The following CNTN4 variants were observed in gnomAD, a reference collection of about 807,000 sequenced individuals.
The protein encoded by CNTN4 is contactin 4, also known as contactin-4.
In CNTN4, 77 loss-of-function variants were observed where a neutral mutation model predicts 122.5. The ratio of observed to expected loss-of-function variants is 0.63; its 90% CI spans 0.52 to 0.76. The LOEUF (loss-of-function observed/expected upper bound fraction) is 0.76. CNTN4 is among the 30% of genes least tolerant of loss of function. CNTN4 has a pLI of 0.00. For missense variants in CNTN4, 1,256 were observed against 1,259.1 expected, an observed-to-expected ratio of 1.00 and a Z score of 0.04; for synonymous variants, 512 against 447.0, an observed-to-expected ratio of 1.15 and a Z score of -1.83.
intron 2 of CNTN4, among the ~76,000 whole-genome samples, chr3:2,332,091 G>A (rs1469733233): frequency 2.0e-5 from 3 of 152,132 alleles, no homozygotes; most frequent in Non-Finnish European, 2.9e-5. Flanking sequence ...GGGGTTCAGC[G>A]TGACAGGCTC....
chr3:2,544,951 G>T (rs1459925893), intron 3 of CNTN4, among the ~76,000 whole-genome samples: 3 of 151,762 alleles, frequency 2.0e-5, no homozygotes, highest in Non-Finnish European at 4.4e-5. Context: ...TATTTCCAGT[G>T]GTTGTGATGT....
At chr3:2,114,016 T>G (rs958776365) in intron 2 of CNTN4, among the ~76,000 whole-genome samples, 1 of 152,142 alleles carries the variant, frequency 6.6e-6, no homozygotes, top group Admixed American at 6.5e-5. Context: ...TCAAAGAGCT[T>G]TTTGCTTGGT....
intron 10 of CNTN4, among the ~76,000 whole-genome samples, chr3:2,899,438 C>T (rs2094149302): frequency 6.6e-6 from 1 of 152,124 alleles, no homozygotes; most frequent in Non-Finnish European, 1.5e-5. Flanking sequence ...TAGAAATGCC[C>T]TGTGAACACA....
At chr3:2,584,460 T>G (rs577801851) in intron 4 of CNTN4, among the ~76,000 whole-genome samples, 1 of 152,074 alleles carries the variant, frequency 6.6e-6, no homozygotes, top group Admixed American at 6.5e-5. Flanking sequence ...TTCCAGCACT[T>G]TGTGAGGCTG....
intron 14 of CNTN4, among the ~76,000 whole-genome samples, chr3:2,993,022 T>C (rs1695193018): frequency 6.6e-6 from 1 of 152,138 alleles, no homozygotes; most frequent in Non-Finnish European, 1.5e-5. Context: ...GTTTAGAACA[T>C]TGCATTTTCA....
At chr3:2,617,299 AAAAC>A (rs1376810788) in intron 4 of CNTN4, among the ~76,000 whole-genome samples, 1 of 152,148 alleles carries the variant, frequency 6.6e-6, no homozygotes, top group Non-Finnish European at 1.5e-5. Context: ...TTTCAAGAAA[AAAAC>A]AACCCCATCA....
At chr3:2,575,473 T>A (rs2079619022) in intron 4 of CNTN4, among the ~76,000 whole-genome samples, 1 of 152,084 alleles carries the variant, frequency 6.6e-6, no homozygotes, top group Non-Finnish European at 1.5e-5. Flanking sequence ...ATCGTACTAC[T>A]GCACTCCAGC....
At chr3:2,290,033 T>C (rs17194238) in intron 2 of CNTN4, among the ~76,000 whole-genome samples, 19,701 of 152,172 alleles carry the variant, frequency 0.13, 1,338 homozygotes, top group Middle Eastern at 0.16. Flanking sequence ...GAGCCAGTCA[T>C]TTTCTTAGAT....
chr3:2,859,885 C>T (rs957927364), intron 7 of CNTN4, among the ~76,000 whole-genome samples: 1 of 152,086 alleles, frequency 6.6e-6, no homozygotes, highest in Non-Finnish European at 1.5e-5. Flanking sequence ...GCTCAATTTA[C>T]CCCCAAAAAA....
Position 2,887,136 on chromosome 3 carries a change from T to A in CNTN4, c.852T>A (p.Asn284Lys), listed in dbSNP as rs2093988150. The change falls in exon 10 of 25, where the codon AAT (asparagine) becomes AAA (lysine). Residue 284 changes from asparagine to lysine, a missense_variant. Physicochemically the swap from Asn to Lys is moderately conservative, Grantham distance 94. Transcript: ENST00000418658. ...HKSNGILEIP[N>K]FQQEDAGLYE... is the part of the protein sequence containing the mutation. ...CAAATGGAATTCTTGAGATCCCTAATTTTCAGCAGGAGGATGCTGGTTTAT... is the reference window on the plus strand; with the variant it reads ...CAAATGGAATTCTTGAGATCCCTAAATTTCAGCAGGAGGATGCTGGTTTAT... 2 of 1,614,158 alleles carry A rather than the reference T, an allele frequency of 1.2e-6. No individual in the cohort carries two copies.
intron 4 of CNTN4, among the ~76,000 whole-genome samples, chr3:2,599,233 G>T (rs1196215849): frequency 6.6e-6 from 1 of 152,162 alleles, no homozygotes; most frequent in Non-Finnish European, 1.5e-5. Context: ...CTAGTTGTAG[G>T]TTCCATTCTA....
intron 3 of CNTN4, among the ~76,000 whole-genome samples, chr3:2,403,308 G>T (rs772822257): frequency 6.6e-6 from 1 of 151,982 alleles, no homozygotes; most frequent in Non-Finnish European, 1.5e-5. Flanking sequence ...ACATCCTAAG[G>T]TACTGAGAGT....
chr3:2,136,162 C>A (rs1173865491), intron 2 of CNTN4, among the ~76,000 whole-genome samples: 1 of 152,112 alleles, frequency 6.6e-6, no homozygotes, highest in East Asian at 1.9e-4. Flanking sequence ...GATGTAATCC[C>A]ACGTTCTTGG....
Position 2,540,069 on chromosome 3 carries a change from TTGTGTG to T in CNTN4, c.-88-31325_-88-31320del, listed in dbSNP as rs35310430. ...TATGCCATAATCTGCTTCATCAGTG[TTGTGTG>T]TGTGTGTGTGTGTGTGTGTGTATCA... is the stretch of plus-strand genomic sequence containing the variant. On this transcript the variant is annotated intron_variant, in intron 3 of 24. Coordinates refer to ENST00000418658, the MANE Select transcript of CNTN4 (RefSeq NM_175607.3). Among the ~76,000 whole-genome samples, 174 of 149,060 alleles carry T rather than the reference TTGTGTG, an allele frequency of 1.2e-3. 1 individual carries two copies. The highest frequency in any genetic ancestry group is 3.7e-3 in the African/African-American group (151 of 40,640).
intron 6 of CNTN4, among the ~76,000 whole-genome samples, chr3:2,757,486 G>A (rs1204735221): frequency 6.6e-6 from 1 of 152,154 alleles, no homozygotes; most frequent in Non-Finnish European, 1.5e-5. Context: ...TAGAGTGTCT[G>A]ACCTACCTGT....
At chr3:2,887,900 G>A (rs1018635542) in intron 10 of CNTN4, among the ~76,000 whole-genome samples, 1 of 152,148 alleles carries the variant, frequency 6.6e-6, no homozygotes, top group African/African-American at 2.4e-5. Flanking sequence ...GATTTCATTG[G>A]ATAGGCATTT....
At chr3:2,421,605 T>C (rs1465991727) in intron 3 of CNTN4, among the ~76,000 whole-genome samples, 2 of 152,166 alleles carry the variant, frequency 1.3e-5, no homozygotes, top group African/African-American at 4.8e-5. Flanking sequence ...TTGTAGTGGA[T>C]AGCACCAGAC....
At chr3:2,335,635 A>G (rs1463053264) in intron 2 of CNTN4, among the ~76,000 whole-genome samples, 3 of 148,766 alleles carry the variant, frequency 2.0e-5, no homozygotes, top group African/African-American at 5.0e-5. Flanking sequence ...TTGGGTATCT[A>G]CCTACTTGAA....
At chr3:2,237,496 C>G (rs943364298) in intron 2 of CNTN4, among the ~76,000 whole-genome samples, 3 of 151,658 alleles carry the variant, frequency 2.0e-5, no homozygotes, top group Non-Finnish European at 4.4e-5. Flanking sequence ...AAAGGAAAAG[C>G]GAAAAGGGAG....
Sources: allele counts gnomAD v4.1 joint callset (sites outside exome capture counted in the v4.1 genomes callset), GRCh38; gene constraint gnomAD v4.1.1; transcripts MANE v1.5; gene names NCBI Gene and HGNC (gene_info 2026-07-23, HGNC 2026-07-21).